The following NUDCD1 variants were observed in gnomAD, a reference collection of about 807,000 sequenced individuals.
NUDCD1 encodes the protein NudC domain containing 1.
A neutral mutation model predicts 67.8 loss-of-function variants in NUDCD1; 60 were observed. That is an observed-to-expected ratio of 0.88 (90% CI 0.72 to 1.10). The LOEUF is 1.10. Ranked by LOEUF, NUDCD1 falls within the 50% of genes least tolerant of loss-of-function variation. The pLI is 0.00. For missense variants in NUDCD1, 643 were observed against 695.0 expected, an observed-to-expected ratio of 0.93 and a Z score of 0.84; for synonymous variants, 244 against 230.8, an observed-to-expected ratio of 1.06 and a Z score of -0.52.
chr8:109,284,966 G>T (rs1310607014), intron 5 of NUDCD1, among the ~76,000 whole-genome samples: 1 of 147,120 alleles, frequency 6.8e-6, no homozygotes, highest in African/African-American at 2.5e-5. Context: ...AACACAATCA[G>T]AAATGAAAAG....
intron 2 of NUDCD1, among the ~76,000 whole-genome samples, chr8:109,310,109 A>C (rs1815207373): frequency 6.6e-6 from 1 of 152,212 alleles, no homozygotes; most frequent in Non-Finnish European, 1.5e-5. Flanking sequence ...CATTCTTCAC[A>C]GAATTAGAAA....
chr8:109,243,387 ATGTT>A, intron 9 of NUDCD1, 86 bp from the exon 10 acceptor site: 1 of 1,130,988 alleles, frequency 8.8e-7, no homozygotes, highest in Non-Finnish European at 1.3e-6. Context: ...ATATTTTGCA[ATGTT>A]TATTACAAAT....
chr8:109,243,282 CTT>C lies in NUDCD1; in HGVS notation c.1477_1478del (p.Lys493GlufsTer19). The C allele has an allele frequency of 6.3e-7, 1 of 1,595,672 alleles. No individual in the cohort carries two copies. The highest frequency in any genetic ancestry group is 8.6e-7 in the Non-Finnish European group (1 of 1,166,276). ...CACAGGCAAAAAATTTTTTGTCTCT[CTT>C]TGATGCTTGGACATAGCCTGCCAAG... ...FNALGYVQAS[K>X]RDKKFFACAP... On this transcript the variant is annotated frameshift_variant, in exon 10 of 10. Transcript: ENST00000239690. LOFTEE classifies it high-confidence loss of function.
intron 2 of NUDCD1, among the ~76,000 whole-genome samples, chr8:109,321,754 AG>A (rs1416332016): frequency 1.3e-5 from 2 of 152,140 alleles, no homozygotes; most frequent in Non-Finnish European, 2.9e-5. Flanking sequence ...TTTAAAAACA[AG>A]AACACTGATA....
chr8:109,329,355 G>A (rs567070399), intron 1 of NUDCD1, among the ~76,000 whole-genome samples: 2 of 152,104 alleles, frequency 1.3e-5, no homozygotes, highest in African/African-American at 2.4e-5. Flanking sequence ...CTATATGTCC[G>A]CAGTTTATAG....
At chr8:109,257,386 C>G (rs72682635) in intron 8 of NUDCD1, among the ~76,000 whole-genome samples, 14,881 of 152,032 alleles carry the variant, frequency 0.098, 777 homozygotes, top group Middle Eastern at 0.14. Flanking sequence ...TTCCAAAATA[C>G]AAAATATCGG....
At chr8:109,293,201 T>A in intron 4 of NUDCD1, 143 bp downstream of exon 4, 1 of 469,306 alleles carries the variant, frequency 2.1e-6, no homozygotes, top group Non-Finnish European at 3.8e-6. Flanking sequence ...TCTATACATA[T>A]TCATTCCACC....
At chr8:109,270,322 T>C (rs1191624223) in intron 8 of NUDCD1, among the ~76,000 whole-genome samples, 1 of 151,268 alleles carries the variant, frequency 6.6e-6, no homozygotes, top group Non-Finnish European at 1.5e-5. Flanking sequence ...ATAAAATAAC[T>C]TGACAGTAAA....
At chr8:109,324,542 G>A (rs541625019) in intron 1 of NUDCD1, among the ~76,000 whole-genome samples, 103 of 152,068 alleles carry the variant, frequency 6.8e-4, no homozygotes, top group Non-Finnish European at 1.3e-3. Context: ...ACCACAATAG[G>A]CACTCCCACA....
intron 7 of NUDCD1, 138 bp downstream of exon 7, chr8:109,275,214 C>A: frequency 1.4e-6 from 1 of 694,626 alleles, no homozygotes; most frequent in Non-Finnish European, 2.4e-6. Flanking sequence ...CATATTCAAA[C>A]ATCACTCAGA....
In NUDCD1 at chr8:109,241,699, C is replaced by CTG. The variant is rs1813368847; in HGVS notation, c.*1309_*1310insCA. ...TATGCAATCCTCATCTTTTTTCCTCCTCTCTGTCATTCATTCGTTCATTAA... is the reference window on the plus strand; with the variant it reads ...TATGCAATCCTCATCTTTTTTCCTCCTGTCTCTGTCATTCATTCGTTCATTAA... On this transcript the variant is annotated 3_prime_UTR_variant, in exon 10 of 10. Coordinates refer to ENST00000239690, the MANE Select transcript of NUDCD1 (RefSeq NM_032869.4). 2 of 98,710 alleles carry CTG rather than the reference C, an allele frequency of 2.0e-5. No homozygotes were observed. Among genetic ancestry groups the CTG allele is most frequent in the Non-Finnish European group, 3.5e-5 (2 of 56,548 alleles). The allele number at this position is 98,710 out of a possible 1,614,324, so 6.1% of individuals were successfully genotyped here. A position where few individuals can be genotyped will look rare whatever the true frequency, so the allele number is the denominator to read the frequency against.
chr8:109,315,954 C>T (rs1815384785), intron 2 of NUDCD1: 1 of 151,772 alleles, frequency 6.6e-6, no homozygotes, highest in South Asian at 2.1e-4. Context: ...AAGATGCAAC[C>T]TCACACATAT....
At chr8:109,310,663 G>A (rs1343710403) in intron 2 of NUDCD1, among the ~76,000 whole-genome samples, 2 of 152,084 alleles carry the variant, frequency 1.3e-5, no homozygotes, top group African/African-American at 4.8e-5. Flanking sequence ...AAAAGGAACA[G>A]TCAGCAGAAT....
Position 109,333,984 on chromosome 8 carries a change from T to C in NUDCD1, c.27A>G (p.Leu9=), listed in dbSNP as rs1815885230. ...GATCCAACAGAGGTCTCTTCACCCG[T>C]AGGGAGCAATTAGCCGCCACCTCCA... MEVAANCS[L]RVKRPLLDPR... The change falls in exon 1 of 10, where the codon CTA becomes CTG. Residue 9 remains leucine (L), a synonymous_variant. Transcript: ENST00000239690. The C allele has an allele frequency of 6.8e-6, 11 of 1,613,980 alleles. No homozygotes were observed. Among genetic ancestry groups the C allele is most frequent in the Non-Finnish European group, 5.1e-6 (6 of 1,179,968 alleles).
chr8:109,332,229 C>G (rs1815821203), intron 1 of NUDCD1, among the ~76,000 whole-genome samples: 1 of 151,920 alleles, frequency 6.6e-6, no homozygotes, highest in African/African-American at 2.4e-5. Context: ...ATGACGAAGC[C>G]CAAAAGTGAA....
At chr8:109,297,579 A>G (rs1029922816) in intron 2 of NUDCD1, among the ~76,000 whole-genome samples, 1 of 152,086 alleles carries the variant, frequency 6.6e-6, no homozygotes, top group Non-Finnish European at 1.5e-5. Flanking sequence ...TTTCTGGAGG[A>G]TGCAATGTTC....
At chr8:109,296,318 A>T in intron 3 of NUDCD1, 66 bp downstream of exon 3, 1 of 1,269,034 alleles carries the variant, frequency 7.9e-7, no homozygotes, top group Non-Finnish European at 1.1e-6. Flanking sequence ...GTGTCATTTT[A>T]AAATAAGTAG....
At chr8:109,265,121 T>A (rs1813964988) in intron 8 of NUDCD1, among the ~76,000 whole-genome samples, 1 of 152,092 alleles carries the variant, frequency 6.6e-6, no homozygotes, top group Non-Finnish European at 1.5e-5. Context: ...ATGTTTAACC[T>A]AATTAAAAAA....
At chr8:109,263,592 C>T (rs1813920705) in intron 8 of NUDCD1, among the ~76,000 whole-genome samples, 1 of 152,190 alleles carries the variant, frequency 6.6e-6, no homozygotes, top group African/African-American at 2.4e-5. Context: ...AGAACCTTCA[C>T]AGTTCTTGAC....
Sources: allele counts gnomAD v4.1 joint callset (sites outside exome capture counted in the v4.1 genomes callset), GRCh38; gene constraint gnomAD v4.1.1; transcripts MANE v1.5; gene names NCBI Gene and HGNC (gene_info 2026-07-23, HGNC 2026-07-21).